LRRTM3: variants seen among roughly 807,000 people sequenced by gnomAD.
The protein encoded by LRRTM3 is leucine rich repeat transmembrane neuronal 3.
In LRRTM3, 24 loss-of-function variants were observed where a neutral mutation model predicts 44.7. That is an observed-to-expected ratio of 0.54 (90% CI 0.39 to 0.76). The LOEUF (loss-of-function observed/expected upper bound fraction) is 0.76. LRRTM3 is among the 30% of genes least tolerant of loss of function. LRRTM3 has a pLI of 0.00. For missense variants in LRRTM3, 587 were observed against 702.2 expected, an observed-to-expected ratio of 0.84 and a Z score of 1.85; for synonymous variants, 277 against 278.7, an observed-to-expected ratio of 0.99 and a Z score of 0.06.
At chr10:66,987,418 G>A (rs1850792029) in intron 2 of LRRTM3, among the ~76,000 whole-genome samples, 2 of 152,138 alleles carry the variant, frequency 1.3e-5, no homozygotes, top group Admixed American at 6.6e-5. Context: ...AGAATGTAGG[G>A]CTGAAGAATC....
At chr10:66,976,182 G>T (rs984228180) in intron 2 of LRRTM3, among the ~76,000 whole-genome samples, 2 of 152,094 alleles carry the variant, frequency 1.3e-5, no homozygotes, top group African/African-American at 2.4e-5. Context: ...ATAATTTAAA[G>T]TAACTCATGA....
intron 2 of LRRTM3, among the ~76,000 whole-genome samples, chr10:67,015,652 T>G (rs906733062): frequency 3.3e-5 from 5 of 152,202 alleles, no homozygotes; most frequent in African/African-American, 1.2e-4. Flanking sequence ...CTATCTAAAA[T>G]TGTCCTAGAA....
At chr10:66,928,856 A>C (rs977121078) in intron 2 of LRRTM3, among the ~76,000 whole-genome samples, 2 of 152,224 alleles carry the variant, frequency 1.3e-5, no homozygotes, top group African/African-American at 2.4e-5. Context: ...CTGGCAAATC[A>C]AGGAAAGAGG....
chr10:66,943,046 A>G (rs916581291), intron 2 of LRRTM3, among the ~76,000 whole-genome samples: 1 of 152,200 alleles, frequency 6.6e-6, no homozygotes, highest in African/African-American at 2.4e-5. Context: ...TTGGAGTCAC[A>G]TTAATAGGAA....
At chr10:66,949,563 T>TAA (rs5785805) in intron 2 of LRRTM3, among the ~76,000 whole-genome samples, 2 of 139,558 alleles carry the variant, frequency 1.4e-5, no homozygotes, top group East Asian at 2.2e-4. Flanking sequence ...CATCTCAAAA[T>TAA]AAAAAAAAAA....
At chr10:66,951,088 T>TACACAC (rs3056558) in intron 2 of LRRTM3, among the ~76,000 whole-genome samples, 81 of 146,140 alleles carry the variant, frequency 5.5e-4, no homozygotes, top group African/African-American at 1.6e-3. Context: ...TAACATTAAA[T>TACACAC]ACACACACAC....
At chr10:67,073,708 A>T (rs2061001071) in intron 2 of LRRTM3, among the ~76,000 whole-genome samples, 1 of 152,182 alleles carries the variant, frequency 6.6e-6, no homozygotes. Context: ...TGAACAAAAG[A>T]TCAAAAAAAA....
chr10:67,079,086 C>A (rs186524311), intron 2 of LRRTM3, among the ~76,000 whole-genome samples: 1 of 152,276 alleles, frequency 6.6e-6, no homozygotes, highest in African/African-American at 2.4e-5. Flanking sequence ...TTCATAATAT[C>A]TGGGAGGACC....
intron 2 of LRRTM3, among the ~76,000 whole-genome samples, chr10:67,046,790 G>T (rs1350226232): frequency 6.6e-6 from 1 of 152,136 alleles, no homozygotes; most frequent in African/African-American, 2.4e-5. Context: ...AGCCTGGCAG[G>T]ATATCTTGCC....
intron 2 of LRRTM3, among the ~76,000 whole-genome samples, chr10:67,069,611 C>A (rs1368590012): frequency 1.7e-5 from 2 of 120,694 alleles, no homozygotes; most frequent in East Asian, 6.0e-4. Flanking sequence ...TAAACACTAT[C>A]CTGACCTAAA....
At chr10:67,020,200 A>G (rs1172643180) in intron 2 of LRRTM3, among the ~76,000 whole-genome samples, 1 of 152,200 alleles carries the variant, frequency 6.6e-6, no homozygotes, top group African/African-American at 2.4e-5. Flanking sequence ...AGCCACCTCA[A>G]TCTAAGCCAA....
chr10:67,012,714 T>C (rs12098858), intron 2 of LRRTM3, among the ~76,000 whole-genome samples: 80,655 of 151,962 alleles, frequency 0.53, 22,094 homozygotes, highest in Middle Eastern at 0.74. Flanking sequence ...ACGTCTTTGA[T>C]GTATTTCCAG....
intron 2 of LRRTM3, among the ~76,000 whole-genome samples, chr10:66,995,569 T>G (rs1035834536): frequency 6.6e-6 from 1 of 152,220 alleles, no homozygotes; most frequent in Admixed American, 6.5e-5. Flanking sequence ...TCTTGCAGGA[T>G]AAATTACAAA....
At chr10:66,998,355 A>T (rs1851475382) in intron 2 of LRRTM3, among the ~76,000 whole-genome samples, 1 of 152,210 alleles carries the variant, frequency 6.6e-6, no homozygotes, top group African/African-American at 2.4e-5. Context: ...TTTTTAAAGC[A>T]CAAGAAGCAT....
chr10:67,030,358 A>C (rs1853638068), intron 2 of LRRTM3, among the ~76,000 whole-genome samples: 1 of 152,156 alleles, frequency 6.6e-6, no homozygotes, highest in Non-Finnish European at 1.5e-5. Flanking sequence ...CACTTTTAAA[A>C]ACCCTCTTAA....
At chr10:66,960,817 G>T (rs968026009) in intron 2 of LRRTM3, among the ~76,000 whole-genome samples, 1 of 152,098 alleles carries the variant, frequency 6.6e-6, no homozygotes, top group African/African-American at 2.4e-5. Context: ...AGAAAAGGGG[G>T]GATGGTAGGG....
At chr10:66,985,107 T>C (rs1302108940) in intron 2 of LRRTM3, among the ~76,000 whole-genome samples, 1 of 152,214 alleles carries the variant, frequency 6.6e-6, no homozygotes, top group East Asian at 1.9e-4. Context: ...ATTTTCCTTA[T>C]GGCTGCCTTC....
intron 2 of LRRTM3, among the ~76,000 whole-genome samples, chr10:66,988,378 A>G (rs1281748574): frequency 1.3e-5 from 2 of 152,194 alleles, no homozygotes; most frequent in African/African-American, 4.8e-5. Flanking sequence ...AGCAACATTT[A>G]AGCCAATACA....
At chr10:67,060,106 A>G (rs985262671) in intron 2 of LRRTM3, among the ~76,000 whole-genome samples, 1 of 152,092 alleles carries the variant, frequency 6.6e-6, no homozygotes, top group African/African-American at 2.4e-5. Context: ...ACTTGAGCCT[A>G]GGATTTCGAG....
Sources: gnomAD v4.1 joint callset for allele counts (sites outside exome capture counted in the v4.1 genomes callset) on GRCh38, gnomAD v4.1.1 for gene constraint, MANE v1.5 for transcripts, NCBI Gene and HGNC (gene_info 2026-07-23, HGNC 2026-07-21) for gene names.